Variants in PDSS2 observed in about 807,000 individuals in gnomAD.
PDSS2 encodes all trans-polyprenyl-diphosphate synthase PDSS2.
Under a neutral mutation model 44.5 loss-of-function variants are expected in PDSS2, and 31 were observed. That is an observed-to-expected ratio of 0.70 (90% CI 0.52 to 0.94). The LOEUF (loss-of-function observed/expected upper bound fraction) is 0.94. Among genes scored for constraint, PDSS2 ranks in the 40% least tolerant of loss-of-function variants. The pLI, the probability that PDSS2 is intolerant of heterozygous loss-of-function variation, is 0.00. For synonymous variants in PDSS2, 157 were observed against 180.3 expected (o/e 0.87, Z 1.03); for missense variants, 452 against 482.2 (o/e 0.94, Z 0.59).
At chr6:107,349,132 G>A (rs1028737885) in intron 1 of PDSS2, among the ~76,000 whole-genome samples, 1 of 152,114 alleles carries the variant, frequency 6.6e-6, no homozygotes, top group African/African-American at 2.4e-5. Flanking sequence ...ATACTTTAGG[G>A]TATATAAATT....
rs1331915870 is a variant in PDSS2 at position 107,429,734 on chromosome 6, A to G, written c.296+29256T>C. ...ACCCTGTCTCTACTAAAAATACAAA[A>G]TTAGCTGGGCGTGGTGGTGCATGCC... On this transcript the variant is annotated intron_variant, in intron 1 of 7. Transcript: ENST00000369037. Among the ~76,000 whole-genome samples, 3 of 151,156 alleles carry G rather than the reference A, an allele frequency of 2.0e-5. No individual in the cohort carries two copies. The South Asian group carries it at 6.3e-4, about 32-fold the overall frequency.
chr6:107,172,941 T>A (rs9386619), intron 7 of PDSS2, among the ~76,000 whole-genome samples: 1 of 151,268 alleles, frequency 6.6e-6, no homozygotes, highest in East Asian at 2.0e-4. Flanking sequence ...CTGGCCAACA[T>A]GGTGAAACCC....
rs149441843 is a variant in PDSS2 at position 107,314,698 on chromosome 6, A to C, written c.431+19500T>G. Among the ~76,000 whole-genome samples, 148 of 152,360 alleles carry C rather than the reference A, an allele frequency of 9.7e-4. 1 individual carries two copies. The highest frequency in any genetic ancestry group is 3.5e-3 in the African/African-American group (147 of 41,580). ...CATTTAAGGATCTGCCCCCACAAGC[A>C]CAGTCAAATTAGTACGCAAGGTTAA... is the stretch of plus-strand genomic sequence containing the variant. On this transcript the variant is annotated intron_variant, in intron 2 of 7. Transcript: ENST00000369037.
At chr6:107,375,874 C>CA (rs1388244188) in intron 1 of PDSS2, among the ~76,000 whole-genome samples, 1 of 152,174 alleles carries the variant, frequency 6.6e-6, no homozygotes, top group Non-Finnish European at 1.5e-5. Flanking sequence ...GTTGGTTTAA[C>CA]ATTTGTATGA....
At chr6:107,340,085 T>C (rs1562473447) in intron 1 of PDSS2, among the ~76,000 whole-genome samples, 1 of 150,734 alleles carries the variant, frequency 6.6e-6, no homozygotes, top group African/African-American at 2.4e-5. Context: ...AAACTAGAGA[T>C]GTACCAAACC....
chr6:107,228,652 A>G (rs1411014645), intron 4 of PDSS2, among the ~76,000 whole-genome samples: 1 of 152,102 alleles, frequency 6.6e-6, no homozygotes, highest in Non-Finnish European at 1.5e-5. Flanking sequence ...CAGAGATCAC[A>G]CCATTGCACT....
intron 1 of PDSS2, among the ~76,000 whole-genome samples, chr6:107,339,633 C>G (rs2500569): frequency 0.94 from 142,918 of 152,146 alleles, 67,685 homozygotes; most frequent in East Asian, 1. Flanking sequence ...GCTTGGAATA[C>G]AGAAAGTAAC....
chr6:107,294,078 T>A (rs1318211283), intron 2 of PDSS2, among the ~76,000 whole-genome samples: 1 of 152,094 alleles, frequency 6.6e-6, no homozygotes, highest in African/African-American at 2.4e-5. Context: ...GAGGGAAATG[T>A]CATTCTGCAA....
chr6:107,232,848 T>G (rs1220462090), intron 4 of PDSS2, among the ~76,000 whole-genome samples: 2 of 151,808 alleles, frequency 1.3e-5, no homozygotes, highest in Non-Finnish European at 1.5e-5. Context: ...TTTCTTTCTT[T>G]TTTTTTTTTG....
intron 7 of PDSS2, among the ~76,000 whole-genome samples, chr6:107,172,892 G>A (rs9400102): frequency 0.69 from 103,923 of 151,322 alleles, 36,050 homozygotes; most frequent in Non-Finnish European, 0.72. Flanking sequence ...TTGGGAGGCC[G>A]AGGCAGGCAG....
Position 107,459,192 on chromosome 6 carries a change from T to C in PDSS2, c.94A>G (p.Ile32Val). ...CCACGCCAAGAGCCCACCGAGGAGA[T>C]GGTGTCGAGGGACGGGGACCACCAC... Reference protein sequence around the residue: ...RLWWSPSLDTISSVGSWRGRS... With the variant: ...RLWWSPSLDTVSSVGSWRGRS... The change falls in exon 1 of 8, where the codon ATC becomes GTC. Residue 32 changes from isoleucine to valine, a missense_variant. Coordinates refer to ENST00000369037, the MANE Select transcript of PDSS2 (RefSeq NM_020381.4). The surrounding 1 kb of genome is among the most constrained non-coding windows in gnomAD (Gnocchi z 4.3). The C allele has an allele frequency of 6.2e-7, 1 of 1,612,408 alleles. No homozygotes were observed. Among genetic ancestry groups the C allele is most frequent in the South Asian group, 1.1e-5 (1 of 90,950 alleles).
At chr6:107,312,398 T>G (rs758714852) in intron 2 of PDSS2, among the ~76,000 whole-genome samples, 7 of 152,194 alleles carry the variant, frequency 4.6e-5, no homozygotes, top group Non-Finnish European at 8.8e-5. Context: ...AGAGATGACC[T>G]GCAGAGGTAG....
At chr6:107,322,416 G>A (rs1226498110) in intron 2 of PDSS2, among the ~76,000 whole-genome samples, 1 of 152,176 alleles carries the variant, frequency 6.6e-6, no homozygotes, top group East Asian at 1.9e-4. Context: ...TTACTTGAGA[G>A]GCTGAGGCAT....
intron 1 of PDSS2, among the ~76,000 whole-genome samples, chr6:107,458,623 C>T (rs749136726): frequency 1.3e-5 from 2 of 151,052 alleles, no homozygotes; most frequent in African/African-American, 2.4e-5. Flanking sequence ...CTGAACAGTG[C>T]GGGACAGAAA....
chr6:107,314,583 C>G (rs1777144385), intron 2 of PDSS2, among the ~76,000 whole-genome samples: 1 of 152,108 alleles, frequency 6.6e-6, no homozygotes, highest in African/African-American at 2.4e-5. Flanking sequence ...TGCTGCTTTC[C>G]AGAGAAATGT....
At position 107,154,330 on chromosome 6, in the gene PDSS2, T is replaced by C; in HGVS notation, c.*289A>G. ...GCTCGGTCCAATCAATAAGGACTTA[T>C]TTCCTGTCCATTTGCTGAGGTCACA... On this transcript the variant is annotated 3_prime_UTR_variant, in exon 8 of 8. Transcript: ENST00000369037. 2.5e-6 allele frequency: 1 copy of C among 393,246 alleles called. No homozygotes were observed. Among genetic ancestry groups the C allele is most frequent in the South Asian group, 2.2e-5 (1 of 46,196 alleles). The allele number at this position is 393,246 out of a possible 1,614,324, so 24.4% of individuals were successfully genotyped here. A position where few individuals can be genotyped will look rare whatever the true frequency, so the allele number is the denominator to read the frequency against.
intron 4 of PDSS2, among the ~76,000 whole-genome samples, chr6:107,243,398 T>G (rs1323879004): frequency 6.6e-6 from 1 of 152,224 alleles, no homozygotes; most frequent in Non-Finnish European, 1.5e-5. Flanking sequence ...ACATAAAAAA[T>G]ACTTAAAACA....
intron 3 of PDSS2, among the ~76,000 whole-genome samples, chr6:107,254,312 G>A (rs887458144): frequency 1.3e-5 from 2 of 151,918 alleles, no homozygotes; most frequent in Non-Finnish European, 2.9e-5. Flanking sequence ...GATTACAGAC[G>A]TGAGCCACTG....
chr6:107,330,238 G>T (rs1259092888), intron 2 of PDSS2, among the ~76,000 whole-genome samples: 1 of 152,016 alleles, frequency 6.6e-6, no homozygotes, highest in Non-Finnish European at 1.5e-5. Context: ...CATTTTTATG[G>T]CCAGGAAATA....
Sources: allele counts gnomAD v4.1 joint callset (sites outside exome capture counted in the v4.1 genomes callset), GRCh38; gene constraint gnomAD v4.1.1; non-coding constraint Gnocchi (gnomAD v3.1); transcripts MANE v1.5; gene names NCBI Gene and HGNC (gene_info 2026-07-23, HGNC 2026-07-21).